The following ANKRD13C variants were observed in gnomAD, a reference collection of about 807,000 sequenced individuals.
The protein encoded by ANKRD13C is ankyrin repeat domain 13C, also known as ankyrin repeat domain-containing protein 13C.
In ANKRD13C, 16 loss-of-function variants were observed where a neutral mutation model predicts 65.5. The ratio of observed to expected loss-of-function variants is 0.24; its 90% CI spans 0.17 to 0.37. The LOEUF is 0.37. Ranked by LOEUF, ANKRD13C falls within the 10% of genes least tolerant of loss-of-function variation. ANKRD13C has a pLI of 1.00. For synonymous variants in ANKRD13C, 235 were observed against 238.7 expected, an observed-to-expected ratio of 0.98 and a Z score of 0.14; for missense variants, 503 against 655.9, an observed-to-expected ratio of 0.77 and a Z score of 2.55.
At chr1:70,338,846 T>A (rs1408952680) in intron 1 of ANKRD13C, among the ~76,000 whole-genome samples, 1 of 152,192 alleles carries the variant, frequency 6.6e-6, no homozygotes, top group Non-Finnish European at 1.5e-5. Context: ...TCCAATTTGA[T>A]TGGTCTAGAA....
chr1:70,297,876 C>T (rs1484098948), intron 7 of ANKRD13C, among the ~76,000 whole-genome samples: 2 of 148,616 alleles, frequency 1.3e-5, no homozygotes, highest in African/African-American at 4.9e-5. Flanking sequence ...TCAATCACGC[C>T]ACTGCACTCC....
At chr1:70,291,071 T>G (rs1345558910) in intron 9 of ANKRD13C, among the ~76,000 whole-genome samples, 1 of 152,100 alleles carries the variant, frequency 6.6e-6, no homozygotes, top group African/African-American at 2.4e-5. Flanking sequence ...TCGCTCTTGT[T>G]GCCCAGGATG....
intron 4 of ANKRD13C, among the ~76,000 whole-genome samples, chr1:70,314,610 A>G (rs1436530135): frequency 6.6e-6 from 1 of 152,158 alleles, no homozygotes; most frequent in African/African-American, 2.4e-5. Context: ...TAAGTAGAGC[A>G]TTACATATAT....
intron 2 of ANKRD13C, among the ~76,000 whole-genome samples, chr1:70,327,771 T>C (rs1043830350): frequency 3.3e-5 from 5 of 152,106 alleles, no homozygotes; most frequent in Admixed American, 6.6e-5. Context: ...AACAACAATA[T>C]ATATAAATAA....
intron 7 of ANKRD13C, among the ~76,000 whole-genome samples, chr1:70,297,150 C>G (rs564284221): frequency 7.1e-4 from 108 of 152,066 alleles, no homozygotes; most frequent in African/African-American, 2.5e-3. Flanking sequence ...AGGGAGTTGT[C>G]TGGAGAATAA....
chr1:70,300,261 G>C (rs1000433782), intron 7 of ANKRD13C, among the ~76,000 whole-genome samples: 1 of 152,048 alleles, frequency 6.6e-6, no homozygotes, highest in Non-Finnish European at 1.5e-5. Flanking sequence ...TCAATGGACC[G>C]GTCAAGATGG....
At position 70,297,543 on chromosome 1, in the gene ANKRD13C, C is replaced by T. The variant is rs1364698318; in HGVS notation, c.922-1282G>A. On this transcript the variant is annotated intron_variant, in intron 7 of 12. Coordinates refer to ENST00000370944, the MANE Select transcript of ANKRD13C (RefSeq NM_030816.5). ...TCCTGACCTCGTGATCCGCCCGCCT[C>T]GGCCTCCCAAAGCGCTGGGATTACA... Among the ~76,000 whole-genome samples the T allele has an allele frequency of 2.9e-3, 438 of 148,958 alleles. 2 individuals carry two copies. Among genetic ancestry groups the T allele is most frequent in the Non-Finnish European group, 4.7e-3 (315 of 67,056 alleles).
intron 9 of ANKRD13C, among the ~76,000 whole-genome samples, chr1:70,282,420 A>G (rs542253593): frequency 5.1e-4 from 78 of 152,242 alleles, no homozygotes; most frequent in African/African-American, 1.9e-3. Flanking sequence ...AAGACAAAAG[A>G]AAAAAAGTTG....
chr1:70,345,808 C>G (rs1572181958), intron 1 of ANKRD13C, among the ~76,000 whole-genome samples: 1 of 152,134 alleles, frequency 6.6e-6, no homozygotes, highest in East Asian at 1.9e-4. Context: ...ACTTGTTTTC[C>G]TTGAAGTCAT....
chr1:70,354,635 C>G lies in ANKRD13C; in HGVS notation c.-227G>C. On this transcript the variant is annotated 5_prime_UTR_variant, in exon 1 of 13. Coordinates refer to ENST00000370944, the MANE Select transcript of ANKRD13C (RefSeq NM_030816.5). ...CTGGGGGAAGCTAGAACTCAGGTGCCCACGACACCAGGATCTCAGTCTCGC... is the reference window on the plus strand; with the variant it reads ...CTGGGGGAAGCTAGAACTCAGGTGCGCACGACACCAGGATCTCAGTCTCGC... 1 of 1,049,742 alleles carries G rather than the reference C, an allele frequency of 9.5e-7. No individual in the cohort carries two copies. The highest frequency in any genetic ancestry group is 2.6e-5 in the East Asian group (1 of 38,124). The allele number at this position is 1,049,742 out of a possible 1,614,324, so 65.0% of individuals were successfully genotyped here. A position where few individuals can be genotyped will look rare whatever the true frequency, so the allele number is the denominator to read the frequency against.
intron 5 of ANKRD13C, among the ~76,000 whole-genome samples, chr1:70,307,341 G>A (rs767285145): frequency 5.9e-5 from 9 of 151,434 alleles, no homozygotes; most frequent in South Asian, 4.2e-4. Flanking sequence ...GTTCAAGACC[G>A]GCCTGGGCAA....
At chr1:70,310,261 T>G (rs1341261388) in intron 5 of ANKRD13C, among the ~76,000 whole-genome samples, 1 of 152,210 alleles carries the variant, frequency 6.6e-6, no homozygotes, top group Non-Finnish European at 1.5e-5. Flanking sequence ...TCCCCTTATT[T>G]TTCGCTTGCT....
chr1:70,351,610 G>C (rs1682747861), intron 1 of ANKRD13C, among the ~76,000 whole-genome samples: 1 of 152,132 alleles, frequency 6.6e-6, no homozygotes, highest in Admixed American at 6.5e-5. Flanking sequence ...ATGTTGGTCA[G>C]GCTGGTCTTG....
At chr1:70,281,582 T>C (rs1018679266) in intron 9 of ANKRD13C, among the ~76,000 whole-genome samples, 6 of 151,558 alleles carry the variant, frequency 4.0e-5, no homozygotes, top group African/African-American at 1.5e-4. Flanking sequence ...TTTACTTTTT[T>C]TTTGTAGAGA....
intron 1 of ANKRD13C, among the ~76,000 whole-genome samples, chr1:70,343,909 G>A (rs1297579847): frequency 6.6e-6 from 1 of 152,150 alleles, no homozygotes; most frequent in African/African-American, 2.4e-5. Context: ...CAGCAGTTTG[G>A]AACACTGAGG....
chr1:70,307,093 C>T (rs925221589), intron 5 of ANKRD13C, among the ~76,000 whole-genome samples: 13 of 152,128 alleles, frequency 8.5e-5, no homozygotes, highest in African/African-American at 2.2e-4. Flanking sequence ...GTGTAAGATA[C>T]GGCAGATATA....
At chr1:70,285,387 G>GT (rs1679576589) in intron 9 of ANKRD13C, among the ~76,000 whole-genome samples, 1 of 151,582 alleles carries the variant, frequency 6.6e-6, no homozygotes, top group South Asian at 2.1e-4. Context: ...TTGATATGGG[G>GT]TTTCACCACG....
chr1:70,354,479 A>C lies in ANKRD13C; in HGVS notation c.-71T>G. On this transcript the variant is annotated 5_prime_UTR_variant, in exon 1 of 13. Coordinates refer to ENST00000370944, the MANE Select transcript of ANKRD13C (RefSeq NM_030816.5). The stretch of plus-strand genomic sequence containing the variant: ...GCGACGGAGCTGGCGCTGCGGCGGC[A>C]CAAGGCGATTAGAGCGGTGGCCAAG... 1 of 1,519,510 alleles carries C rather than the reference A, an allele frequency of 6.6e-7. No homozygotes were observed. 94.1% of individuals were successfully genotyped at this position (1,519,510 alleles called of 1,614,324 possible). A position where few individuals can be genotyped will look rare whatever the true frequency, so the allele number is the denominator to read the frequency against.
intron 3 of ANKRD13C, among the ~76,000 whole-genome samples, chr1:70,323,233 C>T (rs1370938924): frequency 1.3e-5 from 2 of 151,892 alleles, no homozygotes; most frequent in Admixed American, 1.3e-4. Context: ...TGATATTTGT[C>T]CAGAAAGGAC....
Sources: allele counts gnomAD v4.1 joint callset (sites outside exome capture counted in the v4.1 genomes callset), GRCh38; gene constraint gnomAD v4.1.1; transcripts MANE v1.5; gene names NCBI Gene and HGNC (gene_info 2026-07-23, HGNC 2026-07-21).